The following AFF3 variants were observed in gnomAD, a reference collection of about 807,000 sequenced individuals.
The protein encoded by AFF3 is AF4/FMR2 family member 3.
In AFF3, 32 loss-of-function variants were observed where a neutral mutation model predicts 129.7. The observed-to-expected ratio is 0.25, with a 90% CI of 0.19 to 0.33. The LOEUF (loss-of-function observed/expected upper bound fraction) is 0.33, where lower values mean the gene tolerates loss of function less well. Ranked by LOEUF, AFF3 falls within the 10% of genes least tolerant of loss-of-function variation. AFF3 has a pLI of 1.00. For missense variants in AFF3, 1,373 were observed against 1,592.0 expected, an observed-to-expected ratio of 0.86 and a Z score of 2.34; for synonymous variants, 644 against 635.4, an observed-to-expected ratio of 1.01 and a Z score of -0.20.
At chr2:100,116,209 C>G (rs1691727527) in intron 2 of AFF3, among the ~76,000 whole-genome samples, 1 of 151,786 alleles carries the variant, frequency 6.6e-6, no homozygotes, top group Admixed American at 6.6e-5. Flanking sequence ...CCATACTTCT[C>G]CTTTTTGCCT....
intron 7 of AFF3, among the ~76,000 whole-genome samples, chr2:99,855,827 C>T (rs1690485153): frequency 6.6e-6 from 1 of 152,130 alleles, no homozygotes; most frequent in Non-Finnish European, 1.5e-5. Context: ...AGAAACCTGT[C>T]AAACACTGTC....
At chr2:99,982,888 T>C (rs1679539223) in intron 7 of AFF3, among the ~76,000 whole-genome samples, 1 of 152,192 alleles carries the variant, frequency 6.6e-6, no homozygotes, top group Non-Finnish European at 1.5e-5. Context: ...TTATGCTTTA[T>C]GACTTAGGTT....
At chr2:99,651,444 C>T (rs1333991454) in intron 12 of AFF3, among the ~76,000 whole-genome samples, 1 of 151,406 alleles carries the variant, frequency 6.6e-6, no homozygotes, top group Non-Finnish European at 1.5e-5. Flanking sequence ...GTCATGGTTA[C>T]TGTTTTTTTT....
intron 2 of AFF3, among the ~76,000 whole-genome samples, chr2:100,108,752 T>C (rs538302059): frequency 4.6e-5 from 7 of 152,194 alleles, no homozygotes; most frequent in African/African-American, 1.4e-4. Context: ...CCATAATAGC[T>C]GATTATTGCC....
At chr2:100,076,086 GTGAGTT>G (rs1449055102) in intron 4 of AFF3, among the ~76,000 whole-genome samples, 2 of 152,190 alleles carry the variant, frequency 1.3e-5, no homozygotes, top group African/African-American at 4.8e-5. Flanking sequence ...CAGGAACCAA[GTGAGTT>G]TCCTCTGATG....
At chr2:100,026,201 G>GA (rs572359761) in intron 4 of AFF3, among the ~76,000 whole-genome samples, 69 of 151,886 alleles carry the variant, frequency 4.5e-4, no homozygotes, top group African/African-American at 1.2e-3. Context: ...AAATCAGTGA[G>GA]AAAAAAACAA....
At chr2:100,042,363 CT>C (rs1299609763) in intron 4 of AFF3, among the ~76,000 whole-genome samples, 1 of 152,178 alleles carries the variant, frequency 6.6e-6, no homozygotes, top group Non-Finnish European at 1.5e-5. Flanking sequence ...ATATTCCAAT[CT>C]GAAATATATT....
intron 4 of AFF3, among the ~76,000 whole-genome samples, chr2:100,014,415 C>A (rs1682812608): frequency 6.6e-6 from 1 of 152,100 alleles, no homozygotes; most frequent in Admixed American, 6.5e-5. Context: ...AATTCACTTT[C>A]GTCCAAAAGC....
chr2:99,583,901 C>T (rs1390885749), intron 16 of AFF3, among the ~76,000 whole-genome samples: 3 of 148,310 alleles, frequency 2.0e-5, no homozygotes, highest in Non-Finnish European at 3.0e-5. Context: ...CGGGGTTTCA[C>T]CATGTCAGCC....
chr2:99,741,325 G>A (rs1266289972), intron 10 of AFF3, among the ~76,000 whole-genome samples: 1 of 152,166 alleles, frequency 6.6e-6, no homozygotes, highest in African/African-American at 2.4e-5. Context: ...AAACCCCATT[G>A]TCTCAGCCCA....
intron 2 of AFF3, among the ~76,000 whole-genome samples, chr2:100,117,978 C>G (rs1323280247): frequency 6.6e-6 from 1 of 152,176 alleles, no homozygotes; most frequent in African/African-American, 2.4e-5. Context: ...ACTTCATTGC[C>G]TCACCTGAGC....
At chr2:99,868,695 T>A (rs1457797783) in intron 7 of AFF3, among the ~76,000 whole-genome samples, 5 of 152,186 alleles carry the variant, frequency 3.3e-5, no homozygotes, top group Non-Finnish European at 7.3e-5. Flanking sequence ...GAAAAGAGGA[T>A]AAGGTTACTA....
Position 100,007,191 on chromosome 2 carries a change from C to A in AFF3, c.444G>T (p.Trp148Cys). ...VQQSKRGTMG[W>C]QKAGHPPSDG... ...CAGAGGGTGGGTGCCCAGCCTTCTG[C>A]CAGCCCATAGTGCCTCTCTTACTCT... The change falls in exon 6 of 25, where the codon TGG becomes TGT. Residue 148 changes from tryptophan to cysteine, a missense_variant. Trp to Cys is a radical substitution (Grantham distance 215). Transcript: ENST00000672756. The A allele has an allele frequency of 6.2e-7, 1 of 1,614,158 alleles. No homozygotes were observed. The highest frequency in any genetic ancestry group is 8.5e-7 in the Non-Finnish European group (1 of 1,180,030).
At chr2:99,722,030 T>G (rs892806577) in intron 11 of AFF3, among the ~76,000 whole-genome samples, 1 of 152,218 alleles carries the variant, frequency 6.6e-6, no homozygotes, top group Admixed American at 6.5e-5. Flanking sequence ...TACTGATTAT[T>G]TTTTCATTTC....
chr2:100,108,539 C>G (rs966972903), intron 2 of AFF3, among the ~76,000 whole-genome samples: 4 of 152,110 alleles, frequency 2.6e-5, no homozygotes, highest in Non-Finnish European at 4.4e-5. Flanking sequence ...AGCCTGTCCA[C>G]TGTCCTAGGG....
chr2:99,559,133 T>TG (rs1675233794), intron 21 of AFF3, among the ~76,000 whole-genome samples, 165 bp from the exon 22 acceptor site: 1 of 152,256 alleles, frequency 6.6e-6, no homozygotes, highest in Admixed American at 6.5e-5. Flanking sequence ...GAACATCTTT[T>TG]GTCCAAAAAT....
chr2:99,912,158 A>G (rs1390049991), intron 7 of AFF3, among the ~76,000 whole-genome samples: 1 of 152,236 alleles, frequency 6.6e-6, no homozygotes, highest in Non-Finnish European at 1.5e-5. Flanking sequence ...GATTTCTACA[A>G]GAGATTAGCC....
intron 24 of AFF3, among the ~76,000 whole-genome samples, chr2:99,552,985 T>C (rs1371840962): frequency 6.6e-6 from 1 of 152,140 alleles, no homozygotes; most frequent in Non-Finnish European, 1.5e-5. Flanking sequence ...CAGGCTGGAG[T>C]GCAATGGTGC....
intron 7 of AFF3, among the ~76,000 whole-genome samples, chr2:99,984,865 T>C (rs1679728362): frequency 6.6e-6 from 1 of 152,178 alleles, no homozygotes; most frequent in Admixed American, 6.5e-5. Context: ...AAAACCACCC[T>C]GCTGTGTAGA....
Sources: gnomAD v4.1 joint callset for allele counts (sites outside exome capture counted in the v4.1 genomes callset) on GRCh38, gnomAD v4.1.1 for gene constraint, MANE v1.5 for transcripts, NCBI Gene and HGNC (gene_info 2026-07-23, HGNC 2026-07-21) for gene names.